The following NOL4L variants were observed in gnomAD, a reference collection of about 807,000 sequenced individuals.
NOL4L encodes nucleolar protein 4-like.
In NOL4L, 7 loss-of-function variants were observed where a neutral mutation model predicts 64.5. That is an observed-to-expected ratio of 0.11 (90% CI 0.06 to 0.20). The LOEUF is 0.20. Among genes scored for constraint, NOL4L ranks in the 10% least tolerant of loss-of-function variants. The pLI, the probability that NOL4L is intolerant of heterozygous loss-of-function variation, is 1.00. For missense variants in NOL4L, 680 were observed against 967.1 expected (o/e 0.70, Z 3.94); for synonymous variants, 413 against 401.0 (o/e 1.03, Z -0.36).
At chr20:32,456,439 T>C (rs2013537783) in intron 5 of NOL4L, 44 bp from the exon 6 acceptor site, 1 of 1,424,908 alleles carries the variant, frequency 7.0e-7, no homozygotes, top group East Asian at 2.7e-5. Flanking sequence ...CAAGGCACTG[T>C]GGCCACTGCA....
In NOL4L at chr20:32,453,758, G is replaced by A; in HGVS notation, c.1123C>T (p.Pro375Ser). The change falls in exon 7 of 11, where the codon CCC (proline) becomes TCC (serine). Residue 375 changes from proline (P) to serine (S), a missense_variant. Physicochemically the swap from Pro to Ser is moderately conservative, Grantham distance 74. Transcript: ENST00000621426. This position sits in a 1 kb window ranked among gnomAD's most constrained non-coding sequence, Gnocchi z 5.6. ...TCGTAGCTCCCAGAGCTGTAGGGGGGGGACTAAAAGGAGGGCAAGAGGCAG... is the reference window on the plus strand; with the variant it reads ...TCGTAGCTCCCAGAGCTGTAGGGGGAGGACTAAAAGGAGGGCAAGAGGCAG... ...KYGVKTTPES[P>S]PYSSGSYDSI... 6.4e-7 allele frequency: 1 copy of A among 1,552,678 alleles called. No individual in the cohort carries two copies. Among genetic ancestry groups the A allele is most frequent in the Non-Finnish European group, 8.7e-7 (1 of 1,147,442 alleles).
chr20:32,486,485 T>A (rs540412486), intron 4 of NOL4L, among the ~76,000 whole-genome samples: 7 of 152,308 alleles, frequency 4.6e-5, no homozygotes, highest in African/African-American at 1.7e-4. Context: ...TGGGGCTTTT[T>A]AAGCAGCAAA....
intron 4 of NOL4L, among the ~76,000 whole-genome samples, chr20:32,507,226 C>T (rs563934647): frequency 1.3e-5 from 2 of 152,296 alleles, no homozygotes; most frequent in South Asian, 4.1e-4. Flanking sequence ...TAAGAGTATT[C>T]CCAAATAAAA....
At chr20:32,584,101 C>CT (rs1340152048) in intron 1 of NOL4L, among the ~76,000 whole-genome samples, 1 of 141,314 alleles carries the variant, frequency 7.1e-6, no homozygotes, top group Non-Finnish European at 1.6e-5. Flanking sequence ...TCCCTCCCCC[C>CT]CCCCCACCCC....
chr20:32,494,950 C>T (rs368948697), intron 4 of NOL4L, among the ~76,000 whole-genome samples: 1 of 147,926 alleles, frequency 6.8e-6, no homozygotes, highest in Non-Finnish European at 1.5e-5. Flanking sequence ...TCACATGGCT[C>T]CTGTCCGCGG....
At chr20:32,509,800 T>C (rs2017311651) in intron 4 of NOL4L, 1 of 1,303,038 alleles carries the variant, frequency 7.7e-7, no homozygotes. Context: ...GACCTGGATT[T>C]AGTGCCATTC....
rs1022183947 is a variant in NOL4L, at chr20:32,527,767, G to A, written c.468C>T (p.Thr156=). The A allele has an allele frequency of 3.7e-5, 58 of 1,547,414 alleles. No homozygotes were observed. Among genetic ancestry groups the A allele is most frequent in the Non-Finnish European group, 4.8e-5 (55 of 1,144,484 alleles). ...KAPKHAGQKK[T]YRAIAETYAF... ...GAGACAGAAATCTCACCGCTCGGTA[G>A]GTTTTCTTCTGCCCAGCGTGCTTGG... The change falls in exon 2 of 11, where the codon ACC becomes ACT. Residue 156 remains threonine, a synonymous_variant. Transcript: ENST00000621426.
At chr20:32,576,012 G>A (rs945610420) in intron 1 of NOL4L, among the ~76,000 whole-genome samples, 1 of 152,248 alleles carries the variant, frequency 6.6e-6, no homozygotes, top group African/African-American at 2.4e-5. Flanking sequence ...TAGCAAACAG[G>A]CCAGTGTGGC....
At chr20:32,462,900 T>G (rs1177107840) in intron 5 of NOL4L, among the ~76,000 whole-genome samples, 1 of 40,404 alleles carries the variant, frequency 2.5e-5, no homozygotes. Context: ...CGAGACTCTG[T>G]CTTAAAAAAA....
At chr20:32,583,674 G>A (rs1183829695) in intron 1 of NOL4L, among the ~76,000 whole-genome samples, 1 of 137,414 alleles carries the variant, frequency 7.3e-6, no homozygotes, top group African/African-American at 2.6e-5. Flanking sequence ...ACCCTCTGCA[G>A]AACAATGAGG....
At chr20:32,495,190 C>A (rs1568656182) in intron 4 of NOL4L, among the ~76,000 whole-genome samples, 1 of 152,252 alleles carries the variant, frequency 6.6e-6, no homozygotes, top group Non-Finnish European at 1.5e-5. Context: ...CTGGGCACTT[C>A]CTCAGCCACA....
intron 1 of NOL4L, among the ~76,000 whole-genome samples, chr20:32,562,257 C>A (rs1156565227): frequency 6.6e-6 from 1 of 152,170 alleles, no homozygotes; most frequent in Non-Finnish European, 1.5e-5. Context: ...ACCCCCCACC[C>A]GCCCATCAGG....
chr20:32,485,826 T>C, intron 4 of NOL4L: 1 of 466,514 alleles, frequency 2.1e-6, no homozygotes, highest in Admixed American at 2.4e-5. Flanking sequence ...CAGAGACCTT[T>C]GACTTCTCCT....
chr20:32,521,461 C>T (rs1363405839), intron 2 of NOL4L, among the ~76,000 whole-genome samples: 1 of 152,192 alleles, frequency 6.6e-6, no homozygotes, highest in Non-Finnish European at 1.5e-5. Context: ...ACAGGCTCTG[C>T]AGGACCCCCA....
intron 4 of NOL4L, among the ~76,000 whole-genome samples, chr20:32,488,982 TTTGGTAAGAAC>T: frequency 6.8e-6 from 1 of 146,760 alleles, no homozygotes; most frequent in African/African-American, 2.5e-5. Flanking sequence ...TTTTTTTTTT[TTTGGTAAGAAC>T]TTTTTGGAAA....
At chr20:32,525,044 A>G (rs993004504) in intron 2 of NOL4L, among the ~76,000 whole-genome samples, 2 of 152,204 alleles carry the variant, frequency 1.3e-5, no homozygotes, top group Non-Finnish European at 2.9e-5. Context: ...GCTCAGTGCC[A>G]GTCATGTGCC....
rs1185647746 is a variant in NOL4L at position 32,511,204 on chromosome 20, G to GTGTT, written c.699+142_699+143insAACA. The GTGTT allele has an allele frequency of 6.8e-6, 4 of 584,694 alleles. No homozygotes were observed. The African/African-American group carries it at 7.5e-5, about 11-fold the overall frequency. 36.2% of individuals were successfully genotyped at this position (584,694 alleles called of 1,614,324 possible). On this transcript the variant is annotated intron_variant, in intron 4 of 10. Coordinates refer to ENST00000621426, the MANE Select transcript of NOL4L (RefSeq NM_001256798.2). ...ATTCTTGCCTCCCGCCTCTCCGCCT[G>GTGTT]GACAACCCAGATAACCAGATAAGGG...
intron 1 of NOL4L, among the ~76,000 whole-genome samples, chr20:32,559,982 G>A (rs62208016): frequency 2.2e-4 from 34 of 152,358 alleles, no homozygotes; most frequent in African/African-American, 7.5e-4. Context: ...AGACAAAGGC[G>A]GCGGTGTGCC....
chr20:32,478,682 A>G (rs1426139982), intron 4 of NOL4L, among the ~76,000 whole-genome samples: 1 of 152,196 alleles, frequency 6.6e-6, no homozygotes, highest in Non-Finnish European at 1.5e-5. Flanking sequence ...GGCTAACTAC[A>G]GCCTCGACCC....
Sources: gnomAD v4.1 joint callset for allele counts (sites outside exome capture counted in the v4.1 genomes callset) on GRCh38, gnomAD v4.1.1 for gene constraint, Gnocchi (gnomAD v3.1) non-coding constraint, MANE v1.5 for transcripts, NCBI Gene and HGNC (gene_info 2026-07-23, HGNC 2026-07-21) for gene names.